Variants in LRRC4C observed in about 807,000 individuals in gnomAD.
LRRC4C encodes the protein leucine rich repeat containing 4C.
Under a neutral mutation model 33.6 loss-of-function variants are expected in LRRC4C, and 5 were observed. The observed-to-expected ratio is 0.15, with a 90% CI of 0.08 to 0.31. LRRC4C has a LOEUF of 0.31. Among genes scored for constraint, LRRC4C ranks in the 10% least tolerant of loss-of-function variants. The pLI, the probability that LRRC4C is intolerant of heterozygous loss-of-function variation, is 1.00. For missense variants in LRRC4C, 560 were observed against 796.7 expected, an observed-to-expected ratio of 0.70 and a Z score of 3.58; for synonymous variants, 329 against 302.0, an observed-to-expected ratio of 1.09 and a Z score of -0.93.
intron 2 of LRRC4C, among the ~76,000 whole-genome samples, chr11:40,713,259 C>A (rs1192995165): frequency 6.6e-6 from 1 of 152,068 alleles, no homozygotes. Context: ...AGACTAAGTT[C>A]CTAACTAGAT....
At chr11:40,688,484 T>C (rs757297734) in intron 2 of LRRC4C, among the ~76,000 whole-genome samples, 5 of 152,110 alleles carry the variant, frequency 3.3e-5, no homozygotes, top group Non-Finnish European at 7.4e-5. Context: ...AATTAAGAAT[T>C]CAGAAATTAG....
At chr11:41,230,861 C>T (rs1184351201) in intron 1 of LRRC4C, among the ~76,000 whole-genome samples, 1 of 112,690 alleles carries the variant, frequency 8.9e-6, no homozygotes, top group Admixed American at 1.1e-4. Context: ...ACTCATCTGA[C>T]AAAGGGCTAA....
chr11:40,117,949 A>T lies in LRRC4C; in HGVS notation c.-42-1615T>A, dbSNP rs1855552223. 4.6e-5 allele frequency among the ~76,000 whole-genome samples: 7 copies of T among 151,222 alleles called. No homozygotes were observed. In the South Asian group the frequency reaches 1.5e-3, roughly 31 times the overall value. ...TCCTCCCACATTGTCAGAACTCAATAAATGTTAGATATGATTATATGATAG... is the reference window on the plus strand; with the variant it reads ...TCCTCCCACATTGTCAGAACTCAATTAATGTTAGATATGATTATATGATAG... On this transcript the variant is annotated intron_variant, in intron 6 of 6. Transcript: ENST00000528697.
At chr11:40,686,752 A>C in intron 2 of LRRC4C, among the ~76,000 whole-genome samples, 1 of 152,136 alleles carries the variant, frequency 6.6e-6, no homozygotes, top group Non-Finnish European at 1.5e-5. Context: ...TTTGAGAAAA[A>C]TTGACTTGAA....
chr11:41,005,985 T>TCTTC (rs1283824341), intron 1 of LRRC4C, among the ~76,000 whole-genome samples: 1 of 152,052 alleles, frequency 6.6e-6, no homozygotes, highest in East Asian at 1.9e-4. Flanking sequence ...TCCCTTCCTC[T>TCTTC]CTTCCTTCCT....
intron 1 of LRRC4C, among the ~76,000 whole-genome samples, chr11:41,322,553 T>C (rs537074926): frequency 1.3e-5 from 2 of 152,158 alleles, no homozygotes; most frequent in Admixed American, 1.3e-4. Context: ...GAAAATATAA[T>C]ACCTATTTGT....
At chr11:41,160,820 A>C (rs1294459424) in intron 1 of LRRC4C, among the ~76,000 whole-genome samples, 2 of 152,200 alleles carry the variant, frequency 1.3e-5, no homozygotes, top group African/African-American at 4.8e-5. Flanking sequence ...CCAGAGAAGG[A>C]AATTCTCATA....
At position 40,542,931 on chromosome 11, in the gene LRRC4C, C is replaced by A. The variant is rs796493253; in HGVS notation, c.-270+105211G>T. On this transcript the variant is annotated intron_variant, in intron 3 of 6. Transcript: ENST00000528697. ...TTTAAACTGACAGTTACATTTTACA[C>A]ATTTGTTGCTTTTATTTTAGTTTAG... 5.9e-5 allele frequency among the ~76,000 whole-genome samples: 9 copies of A among 152,230 alleles called. No individual in the cohort carries two copies. In the South Asian group the frequency reaches 1.9e-3, roughly 32 times the overall value.
At chr11:40,585,447 G>A (rs1958679818) in intron 3 of LRRC4C, among the ~76,000 whole-genome samples, 1 of 151,602 alleles carries the variant, frequency 6.6e-6, no homozygotes, top group Non-Finnish European at 1.5e-5. Flanking sequence ...GACATTGAGT[G>A]TGTTTACTGA....
intron 4 of LRRC4C, among the ~76,000 whole-genome samples, chr11:40,290,162 A>G (rs2136553275): frequency 6.6e-6 from 1 of 152,298 alleles, no homozygotes; most frequent in African/African-American, 2.4e-5. Context: ...CATCAAGTAC[A>G]TGTTTTTCCT....
At position 40,381,221 on chromosome 11, in the gene LRRC4C, T is replaced by C. The variant is rs187427511; in HGVS notation, c.-269-61500A>G. On this transcript the variant is annotated intron_variant, in intron 3 of 6. Transcript: ENST00000528697. ...ATGTGCTAGAGTAGTTGAAATTGAC[T>C]TTAAAATGAAAAAAAAAAAAAAGCC... Among the ~76,000 whole-genome samples, 475 of 134,234 alleles carry C rather than the reference T, an allele frequency of 3.5e-3. 2 individuals are homozygous for C. The highest frequency in any genetic ancestry group is 5.8e-3 in the Non-Finnish European group (360 of 61,678). The allele number at this position is 134,234 out of a possible 152,430, so 88.1% of individuals were successfully genotyped here. A position where few individuals can be genotyped will look rare whatever the true frequency, so the allele number is the denominator to read the frequency against.
At chr11:40,934,599 C>G (rs1392871189) in intron 1 of LRRC4C, among the ~76,000 whole-genome samples, 1 of 152,004 alleles carries the variant, frequency 6.6e-6, no homozygotes, top group Non-Finnish European at 1.5e-5. Context: ...ACTTGGCTTC[C>G]AGAGCACCGT....
chr11:40,630,330 CTCTTCTTCTTCTTCTTCTTCTTCTTCT>C (rs200043868), intron 3 of LRRC4C, among the ~76,000 whole-genome samples: 3,540 of 135,552 alleles, frequency 0.026, 79 homozygotes, highest in African/African-American at 0.039. Context: ...TTTCTTCTTC[CTCTTCTTCTTCTTCTTCTTCTTCTTCT>C]TCTTCTTCTT....
At chr11:41,161,821 G>A (rs1475844464) in intron 1 of LRRC4C, among the ~76,000 whole-genome samples, 2 of 152,126 alleles carry the variant, frequency 1.3e-5, no homozygotes, top group African/African-American at 2.4e-5. Context: ...GTATAAAGTT[G>A]TCTAACTCAC....
chr11:40,316,109 T>C (rs1196459202), intron 4 of LRRC4C, among the ~76,000 whole-genome samples: 1 of 152,030 alleles, frequency 6.6e-6, no homozygotes, highest in Non-Finnish European at 1.5e-5. Flanking sequence ...CTATGCATTT[T>C]TTAATCAAAA....
intron 1 of LRRC4C, among the ~76,000 whole-genome samples, chr11:41,327,049 A>C (rs1951143528): frequency 6.6e-6 from 1 of 152,194 alleles, no homozygotes; most frequent in Non-Finnish European, 1.5e-5. Context: ...TGTGAGCCTC[A>C]GAGGCCAAGT....
chr11:40,158,782 G>A (rs1179902300), intron 5 of LRRC4C, among the ~76,000 whole-genome samples: 1 of 152,062 alleles, frequency 6.6e-6, no homozygotes, highest in Non-Finnish European at 1.5e-5. Flanking sequence ...TGTTTAAACT[G>A]ACATTTGATT....
intron 2 of LRRC4C, among the ~76,000 whole-genome samples, chr11:40,730,311 G>A (rs1446639041): frequency 2.6e-5 from 4 of 152,028 alleles, no homozygotes; most frequent in Non-Finnish European, 5.9e-5. Context: ...TAGGACCTAT[G>A]AATTCCTCAA....
chr11:40,830,826 C>T (rs1952379997), intron 2 of LRRC4C, among the ~76,000 whole-genome samples: 1 of 152,018 alleles, frequency 6.6e-6, no homozygotes, highest in Non-Finnish European at 1.5e-5. Flanking sequence ...TGTTTCTTTC[C>T]CTAACACTGT....
Sources: allele counts gnomAD v4.1 joint callset (sites outside exome capture counted in the v4.1 genomes callset), GRCh38; gene constraint gnomAD v4.1.1; transcripts MANE v1.5; gene names NCBI Gene and HGNC (gene_info 2026-07-23, HGNC 2026-07-21).